SHISA9: variants seen among roughly 807,000 people sequenced by gnomAD.
The protein encoded by SHISA9 is shisa family member 9.
SHISA9 carries 13 observed loss-of-function variants against 38.0 expected under a neutral mutation model. That is an observed-to-expected ratio of 0.34 (90% CI 0.22 to 0.54). The LOEUF (loss-of-function observed/expected upper bound fraction) is 0.54. Among genes scored for constraint, SHISA9 ranks in the 20% least tolerant of loss-of-function variants. The probability of loss-of-function intolerance (pLI) is 0.91; values close to 1 mark genes in which losing one functional copy is unlikely to be tolerated. For missense variants in SHISA9, 538 were observed against 575.8 expected (o/e 0.93, Z 0.67); for synonymous variants, 275 against 242.0 (o/e 1.14, Z -1.27).
At chr16:13,473,778 TAGTAGCCAC>T in the SHISA9 span, among the ~76,000 whole-genome samples, 1 of 152,208 alleles carries the variant, frequency 6.6e-6, no homozygotes, top group African/African-American at 2.4e-5. Flanking sequence ...GTAAATCTAG[TAGTAGCCAC>T]AGGAAAGTTG....
the SHISA9 span, among the ~76,000 whole-genome samples, chr16:13,428,762 A>ATTT: frequency 1.0e-5 from 1 of 97,614 alleles, no homozygotes; most frequent in African/African-American, 3.7e-5. Context: ...ATTTTATTTT[A>ATTT]TTGTTTTATT....
At chr16:13,478,112 A>T in the SHISA9 span, among the ~76,000 whole-genome samples, 1 of 152,248 alleles carries the variant, frequency 6.6e-6, no homozygotes, top group South Asian at 2.1e-4. Context: ...TCTCTCTTCC[A>T]TCCGGTTGTT....
the SHISA9 span, among the ~76,000 whole-genome samples, chr16:13,450,308 A>C: frequency 6.6e-6 from 1 of 152,218 alleles, no homozygotes; most frequent in Non-Finnish European, 1.5e-5. Flanking sequence ...TATATAAAGT[A>C]CTTCCCAACA....
the SHISA9 span, among the ~76,000 whole-genome samples, chr16:13,312,233 G>C: frequency 6.6e-6 from 1 of 152,190 alleles, no homozygotes; most frequent in Non-Finnish European, 1.5e-5. Context: ...AAATTTATAA[G>C]CAAATGGGTG....
chr16:13,131,709 T>TA (rs1167655505), intron 2 of SHISA9, among the ~76,000 whole-genome samples: 1 of 152,184 alleles, frequency 6.6e-6, no homozygotes, highest in African/African-American at 2.4e-5. Flanking sequence ...ACTCCTGCTC[T>TA]ATACAACCCC....
the SHISA9 span, among the ~76,000 whole-genome samples, chr16:13,422,026 C>G: frequency 6.6e-6 from 1 of 152,172 alleles, no homozygotes; most frequent in African/African-American, 2.4e-5. Flanking sequence ...TTTGCAGAAC[C>G]AGCTTTGAAT....
At chr16:13,425,092 A>C in the SHISA9 span, among the ~76,000 whole-genome samples, 1 of 152,268 alleles carries the variant, frequency 6.6e-6, no homozygotes, top group African/African-American at 2.4e-5. Flanking sequence ...TAAGCGAATG[A>C]ATGCAGAAAA....
At chr16:13,417,535 A>G in the SHISA9 span, among the ~76,000 whole-genome samples, 1 of 152,200 alleles carries the variant, frequency 6.6e-6, no homozygotes, top group African/African-American at 2.4e-5. Flanking sequence ...TTGAGTTTTC[A>G]TTACAGTGTA....
At chr16:13,301,248 C>T in the SHISA9 span, among the ~76,000 whole-genome samples, 28 of 152,120 alleles carry the variant, frequency 1.8e-4, no homozygotes, top group South Asian at 8.3e-4. Context: ...GGAAAGGAGA[C>T]GAGATTCACA....
chr16:12,929,540 C>A (rs1202748849), intron 2 of SHISA9, among the ~76,000 whole-genome samples: 1 of 151,846 alleles, frequency 6.6e-6, no homozygotes, highest in African/African-American at 2.4e-5. Flanking sequence ...AATGCAGAAA[C>A]AGAAAAGCAA....
the SHISA9 span, among the ~76,000 whole-genome samples, chr16:13,375,578 T>C: frequency 6.6e-6 from 1 of 152,284 alleles, no homozygotes; most frequent in South Asian, 2.1e-4. Context: ...ACTGTAGCCT[T>C]GTAGTATAGT....
the SHISA9 span, among the ~76,000 whole-genome samples, chr16:13,518,194 C>A: frequency 6.6e-6 from 1 of 152,220 alleles, no homozygotes; most frequent in East Asian, 1.9e-4. Context: ...GATCACTTTG[C>A]CTCTGGTGCA....
At chr16:13,104,366 T>G (rs1222582241) in intron 2 of SHISA9, among the ~76,000 whole-genome samples, 5 of 151,840 alleles carry the variant, frequency 3.3e-5, no homozygotes, top group African/African-American at 1.2e-4. Context: ...CCAAGAGAAG[T>G]GAAAGCATAT....
At chr16:13,488,105 G>A in the SHISA9 span, among the ~76,000 whole-genome samples, 1 of 152,040 alleles carries the variant, frequency 6.6e-6, no homozygotes, top group African/African-American at 2.4e-5. Context: ...CCACCAGGGG[G>A]GTTTGTTAGC....
chr16:13,326,530 G>A, the SHISA9 span, among the ~76,000 whole-genome samples: 2 of 152,156 alleles, frequency 1.3e-5, no homozygotes, highest in African/African-American at 4.8e-5. Flanking sequence ...AGACCAGCCT[G>A]GCCAACATGG....
chr16:12,930,889 A>G (rs544600562), intron 2 of SHISA9, among the ~76,000 whole-genome samples: 47 of 152,302 alleles, frequency 3.1e-4, no homozygotes, highest in African/African-American at 1.1e-3. Flanking sequence ...TCAATTTCAT[A>G]TCCTATAATA....
At chr16:13,295,809 C>T in the SHISA9 span, among the ~76,000 whole-genome samples, 2 of 152,146 alleles carry the variant, frequency 1.3e-5, no homozygotes, top group African/African-American at 4.8e-5. Context: ...TTCTAGAGGA[C>T]CAATGCATGA....
intron 2 of SHISA9, among the ~76,000 whole-genome samples, chr16:13,160,722 C>A (rs2050588054): frequency 6.6e-6 from 1 of 152,194 alleles, no homozygotes; most frequent in Non-Finnish European, 1.5e-5. Context: ...AAAGGCACAG[C>A]CCTCTGGACC....
chr16:13,117,496 G>A (rs1249554081), intron 2 of SHISA9, among the ~76,000 whole-genome samples: 1 of 152,194 alleles, frequency 6.6e-6, no homozygotes, highest in Non-Finnish European at 1.5e-5. Flanking sequence ...TTAAGCATCT[G>A]CAGGTAAGGA....
Sources: allele counts gnomAD v4.1 joint callset (sites outside exome capture counted in the v4.1 genomes callset), GRCh38; gene constraint gnomAD v4.1.1; transcripts MANE v1.5; gene names NCBI Gene and HGNC (gene_info 2026-07-23, HGNC 2026-07-21).